The following NBPF3 variants were observed in gnomAD, a reference collection of about 807,000 sequenced individuals.
NBPF3 encodes the protein NBPF family member NBPF3.
A neutral mutation model predicts 78.1 loss-of-function variants in NBPF3; 57 were observed. The ratio of observed to expected loss-of-function variants is 0.73; its 90% CI spans 0.59 to 0.91. The LOEUF (loss-of-function observed/expected upper bound fraction) is 0.91. Among genes scored for constraint, NBPF3 ranks in the 40% least tolerant of loss-of-function variants. The pLI is 0.00. For missense variants in NBPF3, 510 were observed against 715.3 expected (o/e 0.71, Z 3.27); for synonymous variants, 182 against 271.7 (o/e 0.67, Z 3.25).
At chr1:21,472,955 A>G (rs199850031) in intron 6 of NBPF3, 40 bp downstream of exon 6, 118 of 1,476,922 alleles carry the variant, frequency 8.0e-5, no homozygotes, top group Non-Finnish European at 1.1e-4. Flanking sequence ...GGGTGGTAAC[A>G]TATGAAAAAG....
intron 5 of NBPF3, among the ~76,000 whole-genome samples, chr1:21,472,040 C>G (rs1204884180): frequency 2.0e-5 from 3 of 152,136 alleles, no homozygotes; most frequent in African/African-American, 7.2e-5. Flanking sequence ...CTGCACGTTT[C>G]TAGTTTTAAA....
intron 2 of NBPF3, chr1:21,467,131 A>G (rs1642316268): frequency 1.0e-6 from 1 of 985,192 alleles, no homozygotes; most frequent in African/African-American, 1.7e-5. Flanking sequence ...AGATGCCAGA[A>G]AATACATTTA....
In NBPF3 at chr1:21,451,624, G is replaced by A. The variant is rs1378930976; in HGVS notation, c.133+6405G>A. On this transcript the variant is annotated intron_variant, in intron 2 of 14. Coordinates refer to ENST00000318249, the MANE Select transcript of NBPF3 (RefSeq NM_032264.6). ...AGGTTAATCATATAAGGAATCCTGT[G>A]ACCAGCATGAGCTTCTGTCAGGCCA... is the stretch of plus-strand genomic sequence containing the variant. 1.9e-5 allele frequency: 3 copies of A among 154,642 alleles called. No individual in the cohort carries two copies. The Admixed American group carries it at 2.0e-4, about 10-fold the overall frequency. The allele number at this position is 154,642 out of a possible 1,614,324, so 9.6% of individuals were successfully genotyped here.
upstream of NBPF3, chr1:21,437,444 C>T: frequency 2.1e-6 from 3 of 1,406,282 alleles, no homozygotes; most frequent in Non-Finnish European, 2.9e-6. Context: ...GTAGCGCCTG[C>T]GGGACAAGAC....
At chr1:21,457,245 A>G (rs1349291224) in intron 2 of NBPF3, among the ~76,000 whole-genome samples, 1 of 151,442 alleles carries the variant, frequency 6.6e-6, no homozygotes, top group African/African-American at 2.4e-5. Context: ...AAGATTATCT[A>G]TCGTTATCTC....
At chr1:21,470,517 C>G in intron 3 of NBPF3, 115 bp from the exon 4 acceptor site, 1 of 717,750 alleles carries the variant, frequency 1.4e-6, no homozygotes, top group Non-Finnish European at 2.4e-6. Context: ...CTACGTAGAG[C>G]CTGGCAGTGG....
chr1:21,436,854 G>T (rs1569880337), upstream of NBPF3: 2 of 802,266 alleles, frequency 2.5e-6, no homozygotes, highest in Non-Finnish European at 3.4e-6. This position sits in a 1 kb window ranked among gnomAD's most constrained non-coding sequence, Gnocchi z 4.3. Flanking sequence ...GAGGCCCGGG[G>T]GGAGGGGCTC....
chr1:21,473,417 G>A lies in NBPF3; in HGVS notation c.772G>A (p.Asp258Asn). 6.2e-7 allele frequency: 1 copy of A among 1,614,180 alleles called. No homozygotes were observed. Among genetic ancestry groups the A allele is most frequent in the Non-Finnish European group, 8.5e-7 (1 of 1,180,034 alleles). The change falls in exon 7 of 15, where the codon GAC (aspartate) becomes AAC (asparagine). Residue 258 changes from aspartate (D) to asparagine (N), a missense_variant. Physicochemically the swap from Asp to Asn is conservative, Grantham distance 23. This residue lies in a region of NBPF3 where 440 missense variants were observed against 478.2 expected (regional missense o/e 0.92). Coordinates refer to ENST00000318249, the MANE Select transcript of NBPF3 (RefSeq NM_032264.6). ...QKAEEKEVPE[D>N]SLEECAITCS... is the part of the protein sequence containing the mutation. The stretch of plus-strand genomic sequence containing the variant: ...GGCTGAAGAAAAGGAAGTCCCTGAG[G>A]ACTCACTGGAGGAGTGTGCCATCAC...
upstream of NBPF3, among the ~76,000 whole-genome samples, chr1:21,437,084 C>T (rs1640440434): frequency 6.6e-6 from 1 of 151,976 alleles, no homozygotes; most frequent in Non-Finnish European, 1.5e-5. Context: ...GAGGCTGCGG[C>T]AGTGTTAGGG....
chr1:21,440,475 G>C (rs183632514), intron 1 of NBPF3, 127 bp downstream of exon 1: 2 of 151,130 alleles, frequency 1.3e-5, no homozygotes, highest in Admixed American at 1.3e-4. Flanking sequence ...TGGGGGGTGT[G>C]GGGGGTCGTG....
At chr1:21,449,939 T>G (rs200788472) in intron 2 of NBPF3, 16 of 287,446 alleles carry the variant, frequency 5.6e-5, no homozygotes, top group African/African-American at 1.6e-4. Context: ...ATTGATTGAT[T>G]GATGGATTGA....
In NBPF3 at chr1:21,471,679, T is replaced by G. The variant is rs1642602168; in HGVS notation, c.557T>G (p.Leu186Arg). The stretch of plus-strand genomic sequence containing the variant: ...TCATTGAATCAGCATCTCCAGGCCC[T>G]CCTCACTCCGGATGAGCCGGACAAC... ...SRSLNQHLQA[L>R]LTPDEPDNSQ... Residue 186 changes from leucine (L) to arginine (R), a missense_variant, in exon 5 of 15, where the codon CTC becomes CGC. By Grantham distance (102) the Leu-to-Arg change is moderately radical. Coordinates refer to ENST00000318249, the MANE Select transcript of NBPF3 (RefSeq NM_032264.6). 3 of 1,613,206 alleles carry G rather than the reference T, an allele frequency of 1.9e-6. No individual in the cohort carries two copies.
At chr1:21,469,810 C>T (rs1355764151) in intron 3 of NBPF3, among the ~76,000 whole-genome samples, 1 of 152,124 alleles carries the variant, frequency 6.6e-6, no homozygotes, top group Non-Finnish European at 1.5e-5. Context: ...AGGATCGCAC[C>T]CGAGATTGTG....
intron 11 of NBPF3, 124 bp downstream of exon 11, chr1:21,480,347 G>A (rs150499904): frequency 0.058 from 29,433 of 511,412 alleles, 3,727 homozygotes; most frequent in African/African-American, 0.1. Context: ...ACCCGTGGGC[G>A]CATAGAGGTT....
chr1:21,480,710 A>G (rs1248706018), intron 11 of NBPF3, among the ~76,000 whole-genome samples: 2 of 152,418 alleles, frequency 1.3e-5, no homozygotes, highest in Non-Finnish European at 2.9e-5. Flanking sequence ...TTTTGGGATA[A>G]CTGTCTACCA....
At chr1:21,478,080 G>A (rs770088846) in intron 8 of NBPF3, 64 bp from the exon 9 acceptor site, 90 of 1,612,094 alleles carry the variant, frequency 5.6e-5, no homozygotes, top group Non-Finnish European at 7.0e-5. Context: ...TCATCTGGAA[G>A]GTTTTGTTGT....
chr1:21,478,098 C>T, intron 8 of NBPF3, 46 bp from the exon 9 acceptor site: 1 of 1,612,864 alleles, frequency 6.2e-7, no homozygotes, highest in South Asian at 1.1e-5. Flanking sequence ...TGTCTAATCT[C>T]TGTTGGTTAT....
intron 3 of NBPF3, 91 bp from the exon 4 acceptor site, chr1:21,470,541 C>T (rs558479434): frequency 2.3e-5 from 23 of 1,010,558 alleles, no homozygotes; most frequent in East Asian, 5.4e-5. Context: ...CAGTTTTGTC[C>T]TTGGGATGGA....
At chr1:21,461,956 G>A (rs1641974061) in intron 2 of NBPF3, among the ~76,000 whole-genome samples, 1 of 152,036 alleles carries the variant, frequency 6.6e-6, no homozygotes, top group Admixed American at 6.6e-5. Flanking sequence ...CCTGGGAGAA[G>A]GTAGTGAGTG....
Sources: allele counts gnomAD v4.1 joint callset (sites outside exome capture counted in the v4.1 genomes callset), GRCh38; gene constraint gnomAD v4.1.1; regional missense constraint gnomAD v4.1.1; non-coding constraint Gnocchi (gnomAD v3.1); transcripts MANE v1.5; gene names NCBI Gene and HGNC (gene_info 2026-07-23, HGNC 2026-07-21).